The following ADAMTS12 variants were observed in gnomAD, a reference collection of about 807,000 sequenced individuals.
The protein encoded by ADAMTS12 is A disintegrin and metalloproteinase with thrombospondin motifs 12.
In ADAMTS12, 118 loss-of-function variants were observed where a neutral mutation model predicts 167.8. That is an observed-to-expected ratio of 0.70 (90% confidence interval 0.61 to 0.82). The LOEUF (loss-of-function observed/expected upper bound fraction) is 0.82, where lower values mean the gene tolerates loss of function less well. Ranked by LOEUF, ADAMTS12 falls within the 40% of genes least tolerant of loss-of-function variation. The probability of loss-of-function intolerance (pLI) is 0.00; values close to 1 mark genes in which losing one functional copy is unlikely to be tolerated. For synonymous variants in ADAMTS12, 704 were observed against 716.9 expected, an observed-to-expected ratio of 0.98 and a Z score of 0.29; for missense variants, 1,916 against 1,998.8, an observed-to-expected ratio of 0.96 and a Z score of 0.79.
intron 1 of ADAMTS12, among the ~76,000 whole-genome samples, chr5:33,885,709 T>A (rs1049274753): frequency 6.6e-5 from 10 of 152,208 alleles, no homozygotes; most frequent in African/African-American, 2.4e-4. Context: ...GGCTGCATCC[T>A]GAGGGAAGAA....
intron 1 of ADAMTS12, among the ~76,000 whole-genome samples, chr5:33,891,313 G>T (rs1329193046): frequency 6.6e-6 from 1 of 152,074 alleles, no homozygotes; most frequent in Non-Finnish European, 1.5e-5. Flanking sequence ...CCTGACCAGA[G>T]GTTTAAAACT....
chr5:33,658,291 C>T lies in ADAMTS12; in HGVS notation c.1083G>A (p.Leu361=). 6.2e-7 allele frequency: 1 copy of T among 1,613,696 alleles called. No individual in the cohort carries two copies. Among genetic ancestry groups the T allele is most frequent in the Admixed American group, 1.7e-5 (1 of 60,004 alleles). Residue 361 remains leucine, a synonymous_variant, in exon 7 of 24, where the codon CTG becomes CTA. Transcript: ENST00000504830. ...CAGFNRPCET[L]GLSHLSGMCQ... ...ACATTCCTGAAAGGTGAGACAGGCC[C>T]AGGGTCTCGCAGGGGCGATTGAAAC...
intron 16 of ADAMTS12, among the ~76,000 whole-genome samples, chr5:33,605,651 T>G (rs983840027): frequency 1.3e-5 from 2 of 152,166 alleles, no homozygotes; most frequent in African/African-American, 4.8e-5. Context: ...GCATTTAAGA[T>G]GTATACAGAG....
At chr5:33,810,952 C>T (rs1747437040) in intron 2 of ADAMTS12, among the ~76,000 whole-genome samples, 1 of 152,196 alleles carries the variant, frequency 6.6e-6, no homozygotes, top group Non-Finnish European at 1.5e-5. Context: ...TGGGTTCTCT[C>T]CAGTGTATCA....
Position 33,576,719 on chromosome 5 carries a change from C to T in ADAMTS12, c.3307G>A (p.Glu1103Lys). The T allele has an allele frequency of 6.2e-7, 1 of 1,614,212 alleles. No homozygotes were observed. Among genetic ancestry groups the T allele is most frequent in the South Asian group, 1.1e-5 (1 of 91,088 alleles). The stretch of plus-strand genomic sequence containing the variant: ...GTATCTGAACTGGAAACATTTTCCT[C>T]ACTTGGCTGAATGCTCAAGGATTGG... ...TSQSLSIQPS[E>K]ENVSSSDTGP... Residue 1103 changes from glutamate to lysine, a missense_variant, in exon 19 of 24, where the codon GAG becomes AAG. By Grantham distance (56) the Glu-to-Lys change is moderately conservative. Transcript: ENST00000504830.
intron 18 of ADAMTS12, among the ~76,000 whole-genome samples, chr5:33,580,461 G>A (rs1277238304): frequency 6.9e-6 from 1 of 145,684 alleles, no homozygotes; most frequent in East Asian, 2.0e-4. Flanking sequence ...TTCCCCATGA[G>A]TTCCCTCCCT....
chr5:33,591,236 C>T (rs1349764187), intron 17 of ADAMTS12, among the ~76,000 whole-genome samples: 1 of 151,866 alleles, frequency 6.6e-6, no homozygotes, highest in East Asian at 1.9e-4. Context: ...ACCCTTTGAA[C>T]CTCTCTTTTA....
rs567745479 is a variant in ADAMTS12, at chr5:33,792,533, T to G, written c.490-40985A>C. ...ATCCAATTATTGAATTTGGTGGGCT[T>G]ATTATACTTTTTATCCCTCAAAGAG... On this transcript the variant is annotated intron_variant, in intron 2 of 23. Transcript: ENST00000504830. 2.0e-5 allele frequency among the ~76,000 whole-genome samples: 3 copies of G among 152,296 alleles called. No individual in the cohort carries two copies. In the East Asian group the frequency reaches 5.8e-4, roughly 29 times the overall value.
At chr5:33,784,665 T>C (rs1358079600) in intron 2 of ADAMTS12, among the ~76,000 whole-genome samples, 1 of 151,984 alleles carries the variant, frequency 6.6e-6, no homozygotes, top group Non-Finnish European at 1.5e-5. Context: ...TCCTGAAATG[T>C]ACAAAACATT....
intron 21 of ADAMTS12, among the ~76,000 whole-genome samples, chr5:33,547,015 C>T (rs1037686973): frequency 6.6e-6 from 1 of 152,140 alleles, no homozygotes; most frequent in African/African-American, 2.4e-5. Context: ...TGCAATTAAC[C>T]TTTTCTGCTC....
intron 7 of ADAMTS12, among the ~76,000 whole-genome samples, chr5:33,651,671 G>A (rs1167235406): frequency 6.6e-6 from 1 of 152,070 alleles, no homozygotes; most frequent in African/African-American, 2.4e-5. Context: ...AAGTTTGGGG[G>A]ATACATGTGC....
At chr5:33,850,629 A>C (rs766977509) in intron 2 of ADAMTS12, among the ~76,000 whole-genome samples, 6 of 152,194 alleles carry the variant, frequency 3.9e-5, no homozygotes, top group Non-Finnish European at 8.8e-5. Flanking sequence ...ACAGCACAGA[A>C]AATGTTACAG....
rs181747902 is a variant in ADAMTS12 at position 33,874,678 on chromosome 5, G to A, written c.489+6441C>T. 1.8e-4 allele frequency among the ~76,000 whole-genome samples: 28 copies of A among 152,262 alleles called. No individual in the cohort carries two copies. The East Asian group carries it at 4.1e-3, about 22-fold the overall frequency. ...ATAACTGCCAAAACTTAAAAGCAAC[G>A]AAGATGTCTTTCAGTAGGTGAATGA... On this transcript the variant is annotated intron_variant, in intron 2 of 23. Transcript: ENST00000504830.
chr5:33,570,728 T>A (rs1166394992), intron 19 of ADAMTS12, among the ~76,000 whole-genome samples: 1 of 150,684 alleles, frequency 6.6e-6, no homozygotes, highest in Admixed American at 6.6e-5. Flanking sequence ...AATGACAGGA[T>A]CAAATTCACA....
intron 2 of ADAMTS12, among the ~76,000 whole-genome samples, chr5:33,835,393 T>G (rs1456646171): frequency 6.6e-6 from 1 of 152,222 alleles, no homozygotes; most frequent in African/African-American, 2.4e-5. Context: ...CTTTGTAAAA[T>G]TAATAGTATT....
intron 2 of ADAMTS12, among the ~76,000 whole-genome samples, chr5:33,793,855 G>A (rs1286647281): frequency 1.3e-5 from 2 of 152,166 alleles, no homozygotes; most frequent in Non-Finnish European, 2.9e-5. Context: ...CCAGCTGTGA[G>A]AGAAAAGGGC....
intron 22 of ADAMTS12, among the ~76,000 whole-genome samples, chr5:33,542,642 A>G (rs1015425958): frequency 2.6e-5 from 4 of 152,348 alleles, no homozygotes; most frequent in African/African-American, 9.6e-5. Flanking sequence ...ATGTAAAAGA[A>G]CGGAAATCAC....
chr5:33,683,228 G>A, intron 4 of ADAMTS12, 127 bp from the exon 5 acceptor site: 1 of 655,626 alleles, frequency 1.5e-6, no homozygotes, highest in Non-Finnish European at 2.5e-6. Flanking sequence ...GTTTGGCGGT[G>A]TGCTAAGAAG....
intron 3 of ADAMTS12, among the ~76,000 whole-genome samples, chr5:33,740,913 G>C (rs183338451): frequency 1.4e-4 from 21 of 152,188 alleles, no homozygotes; most frequent in Non-Finnish European, 2.8e-4. Flanking sequence ...GTGCTCCACT[G>C]TCTCCTCAGA....
Sources: gnomAD v4.1 joint callset for allele counts (sites outside exome capture counted in the v4.1 genomes callset) on GRCh38, gnomAD v4.1.1 for gene constraint, MANE v1.5 for transcripts, NCBI Gene and HGNC (gene_info 2026-07-23, HGNC 2026-07-21) for gene names.